GLDC: variants seen among roughly 807,000 people sequenced by gnomAD.
GLDC encodes glycine decarboxylase, also known as glycine dehydrogenase (decarboxylating), mitochondrial.
In GLDC, 104 loss-of-function variants were observed where a neutral mutation model predicts 121.3. The ratio of observed to expected loss-of-function variants is 0.86; its 90% CI spans 0.73 to 1.01. The LOEUF (loss-of-function observed/expected upper bound fraction) is 1.01. Among genes scored for constraint, GLDC ranks in the 50% least tolerant of loss-of-function variants. The pLI is 0.00. For synonymous variants in GLDC, 546 were observed against 480.6 expected (o/e 1.14, Z -1.78); for missense variants, 1,429 against 1,306.6 (o/e 1.09, Z -1.44).
intron 20 of GLDC, 79 bp downstream of exon 20, chr9:6,553,289 G>A: frequency 8.0e-7 from 1 of 1,254,536 alleles, no homozygotes; most frequent in Non-Finnish European, 1.2e-6. Flanking sequence ...TTTAAGCCAA[G>A]AAGTCTGCAG....
intron 24 of GLDC, among the ~76,000 whole-genome samples, chr9:6,534,498 T>C (rs1817074485): frequency 6.6e-6 from 1 of 151,972 alleles, no homozygotes; most frequent in Admixed American, 6.5e-5. Flanking sequence ...CCCCACTCTG[T>C]TCCCTATGGG....
At chr9:6,557,116 A>G (rs1817650159) in intron 17 of GLDC, among the ~76,000 whole-genome samples, 1 of 152,218 alleles carries the variant, frequency 6.6e-6, no homozygotes, top group Non-Finnish European at 1.5e-5. Context: ...CAGGATGACT[A>G]TATTTAACAA....
At chr9:6,581,134 T>C (rs1818163496) in intron 15 of GLDC, among the ~76,000 whole-genome samples, 1 of 152,170 alleles carries the variant, frequency 6.6e-6, no homozygotes. Context: ...GGGTGAAGCC[T>C]TCAACAAATG....
chr9:6,548,210 G>T (rs918245116), intron 21 of GLDC, among the ~76,000 whole-genome samples: 3 of 152,194 alleles, frequency 2.0e-5, no homozygotes, highest in Non-Finnish European at 4.4e-5. Context: ...ATAACTGATT[G>T]ATGGAACCAT....
chr9:6,639,405 A>C, intron 2 of GLDC: 2 of 919,078 alleles, frequency 2.2e-6, no homozygotes, highest in South Asian at 1.3e-5. Context: ...CGCCATGAAG[A>C]AGATGGAAGA....
chr9:6,561,807 T>G (rs780980564), intron 16 of GLDC, among the ~76,000 whole-genome samples: 6 of 152,184 alleles, frequency 3.9e-5, no homozygotes, highest in African/African-American at 1.4e-4. Context: ...TGGCATAGAA[T>G]AGCATGAGGT....
At chr9:6,543,955 C>T (rs1017157086) in intron 21 of GLDC, among the ~76,000 whole-genome samples, 1 of 152,022 alleles carries the variant, frequency 6.6e-6, no homozygotes, top group Non-Finnish European at 1.5e-5. Flanking sequence ...GAACCACCGC[C>T]CCCATATGTT....
chr9:6,576,283 G>A (rs192857826), intron 15 of GLDC, among the ~76,000 whole-genome samples: 15 of 152,198 alleles, frequency 9.9e-5, no homozygotes, highest in Admixed American at 5.9e-4. Flanking sequence ...GCACTTCCTG[G>A]TTCATAGATA....
chr9:6,641,674 T>C (rs1391520829), intron 2 of GLDC, among the ~76,000 whole-genome samples: 1 of 152,216 alleles, frequency 6.6e-6, no homozygotes, highest in Non-Finnish European at 1.5e-5. Context: ...TATACATTAA[T>C]ACATGAAAGC....
At chr9:6,558,247 A>G (rs2129733700) in intron 17 of GLDC, 1 of 585,958 alleles carries the variant, frequency 1.7e-6, no homozygotes, top group East Asian at 2.8e-5. Flanking sequence ...TGTGACTGCC[A>G]TTTTGATTAT....
chr9:6,607,845 G>A lies in GLDC; in HGVS notation c.636-1176C>T, dbSNP rs563714700. On this transcript the variant is annotated intron_variant, in intron 4 of 24. Transcript: ENST00000321612. ...TTGTATTAAAAAAATAAAATTGGCC[G>A]GTCATGGTGGCTCACGCCTGTAATC... Among the ~76,000 whole-genome samples, 27 of 151,702 alleles carry A rather than the reference G, an allele frequency of 1.8e-4. No individual in the cohort carries two copies. In the South Asian group the frequency reaches 4.6e-3, roughly 26 times the overall value.
chr9:6,553,270 T>G lies in GLDC; in HGVS notation c.2457+98A>C, dbSNP rs915229392. ...TTGAACCACATCTCAGATCATGAAT[T>G]TATTTGTTTTTAAGCCAAGAAGTCT... On this transcript the variant is annotated intron_variant, in intron 20 of 24. Transcript: ENST00000321612. 3 of 1,057,690 alleles carry G rather than the reference T, an allele frequency of 2.8e-6. No homozygotes were observed. In the African/African-American group the frequency reaches 4.7e-5, roughly 17 times the overall value. The allele number at this position is 1,057,690 out of a possible 1,614,324, so 65.5% of individuals were successfully genotyped here. A position where few individuals can be genotyped will look rare whatever the true frequency, so the allele number is the denominator to read the frequency against.
intron 2 of GLDC, among the ~76,000 whole-genome samples, chr9:6,622,290 G>T (rs375118611): frequency 8.8e-5 from 13 of 148,524 alleles, no homozygotes; most frequent in African/African-American, 2.2e-4. Flanking sequence ...CTCTTTCCAC[G>T]GGCCGAAGCT....
chr9:6,595,674 T>C (rs949953597), intron 8 of GLDC, among the ~76,000 whole-genome samples: 1 of 152,154 alleles, frequency 6.6e-6, no homozygotes, highest in Non-Finnish European at 1.5e-5. Flanking sequence ...AAAACGGCAA[T>C]GCGCACTTCA....
chr9:6,644,401 C>CA (rs149314946), intron 2 of GLDC: 1 of 611,812 alleles, frequency 1.6e-6, no homozygotes, highest in Non-Finnish European at 2.9e-6. Flanking sequence ...AAGAACCGCA[C>CA]AACACCGACT....
intron 3 of GLDC, among the ~76,000 whole-genome samples, chr9:6,614,841 G>A (rs893259300): frequency 5.9e-5 from 9 of 152,148 alleles, no homozygotes; most frequent in Admixed American, 3.3e-4. Flanking sequence ...CCTAGGCTAC[G>A]TGATATAGCC....
At chr9:6,558,746 G>A in intron 16 of GLDC, 62 bp from the exon 17 acceptor site, 1 of 1,564,536 alleles carries the variant, frequency 6.4e-7, no homozygotes, top group Non-Finnish European at 8.8e-7. Context: ...AATAATGACA[G>A]AAAAGTACTA....
chr9:6,618,915 G>A (rs544977849), intron 3 of GLDC, among the ~76,000 whole-genome samples: 1 of 151,932 alleles, frequency 6.6e-6, no homozygotes, highest in Admixed American at 6.6e-5. Flanking sequence ...AGGCCAAGGC[G>A]GGTGGATCAT....
At chr9:6,584,897 G>A (rs912332009) in intron 15 of GLDC, 3 of 152,208 alleles carry the variant, frequency 2.0e-5, no homozygotes, top group African/African-American at 7.2e-5. Flanking sequence ...GAGTCTCACT[G>A]TCCATCATAT....
Sources: gnomAD v4.1 joint callset for allele counts (sites outside exome capture counted in the v4.1 genomes callset) on GRCh38, gnomAD v4.1.1 for gene constraint, MANE v1.5 for transcripts, NCBI Gene and HGNC (gene_info 2026-07-23, HGNC 2026-07-21) for gene names.